Variants in GFM1 observed in about 807,000 individuals in gnomAD.
GFM1 encodes elongation factor G, mitochondrial.
In GFM1, 62 loss-of-function variants were observed where a neutral mutation model predicts 96.2. The ratio of observed to expected loss-of-function variants is 0.64; its 90% CI spans 0.53 to 0.80. GFM1 has a LOEUF of 0.80. Among genes scored for constraint, GFM1 ranks in the 30% least tolerant of loss-of-function variants. The pLI is 0.00. For synonymous variants in GFM1, 282 were observed against 312.9 expected (o/e 0.90, Z 1.04); for missense variants, 852 against 916.6 (o/e 0.93, Z 0.91).
At chr3:158,664,790 T>G (rs1462047435) in intron 11 of GFM1, among the ~76,000 whole-genome samples, 1 of 152,210 alleles carries the variant, frequency 6.6e-6, no homozygotes, top group Non-Finnish European at 1.5e-5. Flanking sequence ...AGGGTATCTT[T>G]GGAGGGCCAT....
intron 4 of GFM1, among the ~76,000 whole-genome samples, chr3:158,647,766 G>A (rs1045087073): frequency 3.9e-5 from 6 of 152,064 alleles, no homozygotes; most frequent in African/African-American, 1.4e-4. Context: ...GCAATAGATG[G>A]TCTTTTTTCC....
Position 158,659,069 on chromosome 3 carries a change from G to A in GFM1, c.1221+10G>A. The stretch of plus-strand genomic sequence containing the variant: ...TGCCGACATGATGGAGGCAAGTACA[G>A]AGTCATTGTGAGATTAGAAATTCCT... On this transcript the variant is annotated intron_variant, in intron 9 of 17. Coordinates refer to ENST00000486715, the MANE Select transcript of GFM1 (RefSeq NM_024996.7). 6.2e-7 allele frequency: 1 copy of A among 1,614,112 alleles called. No individual in the cohort carries two copies. Among genetic ancestry groups the A allele is most frequent in the Non-Finnish European group, 8.5e-7 (1 of 1,180,000 alleles).
At position 158,665,460 on chromosome 3, in the gene GFM1, G is replaced by A. The variant is rs1246869862; in HGVS notation, c.1504G>A (p.Glu502Lys). ...VISGMGELHL[E>K]IYAQRLEREY... is the part of the protein sequence containing the mutation. ...ATCTGGAATGGGAGAATTACACCTG[G>A]AAATCTATGCTCAGGTAATGAATAA... The change falls in exon 12 of 18, where the codon GAA becomes AAA. Residue 502 changes from glutamate (E) to lysine (K), a missense_variant. Physicochemically the swap from Glu to Lys is moderately conservative, Grantham distance 56. Coordinates refer to ENST00000486715, the MANE Select transcript of GFM1 (RefSeq NM_024996.7). The A allele has an allele frequency of 8.1e-6, 13 of 1,609,798 alleles. No homozygotes were observed. The highest frequency in any genetic ancestry group is 1.1e-5 in the Non-Finnish European group (13 of 1,176,644).
chr3:158,650,397 C>T, intron 5 of GFM1: 1 of 253,380 alleles, frequency 3.9e-6, no homozygotes, highest in Non-Finnish European at 8.0e-6. Flanking sequence ...CCAGAATTAC[C>T]AAGGCACATA....
At chr3:158,677,578 A>G (rs1725009377) in intron 13 of GFM1, among the ~76,000 whole-genome samples, 2 of 152,022 alleles carry the variant, frequency 1.3e-5, no homozygotes, top group Non-Finnish European at 2.9e-5. Context: ...TCGGCTCACT[A>G]CAGTGAGCCT....
rs985530716 is a variant in GFM1, at chr3:158,695,524, C to G, written c.*4057C>G. On this transcript the variant is annotated 3_prime_UTR_variant, in exon 18 of 18. Transcript: ENST00000486715. ...TATATTATTTGTATGTATAGAATTC[C>G]CCCTCATAATCTATTGTACTGTAAT... 16 of 151,890 alleles carry G rather than the reference C, an allele frequency of 1.1e-4. No homozygotes were observed. Among genetic ancestry groups the G allele is most frequent in the African/African-American group, 3.9e-4 (16 of 41,312 alleles). 9.4% of individuals were successfully genotyped at this position (151,890 alleles called of 1,614,324 possible).
At chr3:158,682,695 G>C (rs1725505551) in intron 14 of GFM1, among the ~76,000 whole-genome samples, 1 of 152,042 alleles carries the variant, frequency 6.6e-6, no homozygotes, top group South Asian at 2.1e-4. Flanking sequence ...ACATATGAGG[G>C]GTTAGTGTTT....
intron 13 of GFM1, among the ~76,000 whole-genome samples, chr3:158,681,024 A>T (rs572296407): frequency 7.9e-5 from 12 of 152,318 alleles, no homozygotes; most frequent in African/African-American, 2.9e-4. Context: ...AAAATGTCTC[A>T]TAGAGAACGT....
intron 17 of GFM1, 37 bp downstream of exon 17, chr3:158,691,229 C>G (rs918252236): frequency 9.2e-5 from 148 of 1,603,202 alleles, no homozygotes; most frequent in Non-Finnish European, 1.2e-4. Context: ...AAAGACCACC[C>G]TACAGAATGA....
intron 13 of GFM1, chr3:158,669,612 T>A: frequency 6.2e-7 from 1 of 1,612,910 alleles, no homozygotes; most frequent in Non-Finnish European, 8.5e-7. Flanking sequence ...CTTAACTTGC[T>A]GTTTGAAATT....
At chr3:158,683,158 A>G (rs1204771461) in intron 14 of GFM1, among the ~76,000 whole-genome samples, 10 of 151,964 alleles carry the variant, frequency 6.6e-5, no homozygotes, top group African/African-American at 2.2e-4. Context: ...TCAGTGGTGG[A>G]GCATTTTTTT....
intron 15 of GFM1, among the ~76,000 whole-genome samples, chr3:158,689,433 A>G (rs1028543946): frequency 6.6e-6 from 1 of 152,160 alleles, no homozygotes; most frequent in African/African-American, 2.4e-5. Flanking sequence ...AGAAAAGGAA[A>G]GACAGATCGT....
At chr3:158,691,304 C>CAAACA (rs1553853133) in intron 17 of GFM1, 32 bp from the exon 18 acceptor site, 16 of 1,611,592 alleles carry the variant, frequency 9.9e-6, no homozygotes, top group African/African-American at 2.7e-5. Flanking sequence ...AACAAACAAA[C>CAAACA]AAAAAACCCT....
At chr3:158,665,610 T>C (rs1427335016) in intron 12 of GFM1, 136 bp downstream of exon 12, 1 of 738,016 alleles carries the variant, frequency 1.4e-6, no homozygotes, top group African/African-American at 1.8e-5. Context: ...CCAGATGTGG[T>C]CTACTGCTTC....
intron 10 of GFM1, among the ~76,000 whole-genome samples, chr3:158,661,923 A>G (rs1189879264): frequency 6.6e-6 from 1 of 152,222 alleles, no homozygotes; most frequent in African/African-American, 2.4e-5. Flanking sequence ...ACATAAATCT[A>G]TACAATTTTT....
At chr3:158,645,047 T>C (rs1407556867) in intron 1 of GFM1, among the ~76,000 whole-genome samples, 2 of 151,214 alleles carry the variant, frequency 1.3e-5, no homozygotes, top group African/African-American at 2.4e-5. Flanking sequence ...TGCAGTCCTA[T>C]AGGGAAAGGT....
chr3:158,686,038 T>G (rs996319216), intron 15 of GFM1, among the ~76,000 whole-genome samples: 1 of 151,740 alleles, frequency 6.6e-6, no homozygotes, highest in African/African-American at 2.4e-5. Flanking sequence ...AACAAGGAGC[T>G]TCATCCTTTT....
intron 4 of GFM1, among the ~76,000 whole-genome samples, chr3:158,647,750 T>A (rs896561982): frequency 6.6e-6 from 1 of 152,226 alleles, no homozygotes; most frequent in East Asian, 1.9e-4. Context: ...ATTTTACTTA[T>A]GCTTGGCAAT....
At chr3:158,678,058 C>G (rs1372728096) in intron 13 of GFM1, among the ~76,000 whole-genome samples, 1 of 152,094 alleles carries the variant, frequency 6.6e-6, no homozygotes, top group African/African-American at 2.4e-5. Flanking sequence ...AATAACAAAG[C>G]CTGGATGACA....
Sources: allele counts gnomAD v4.1 joint callset (sites outside exome capture counted in the v4.1 genomes callset), GRCh38; gene constraint gnomAD v4.1.1; transcripts MANE v1.5; gene names NCBI Gene and HGNC (gene_info 2026-07-23, HGNC 2026-07-21).